LRRC19: variants seen among roughly 807,000 people sequenced by gnomAD.
LRRC19 encodes leucine-rich repeat-containing protein 19.
A neutral mutation model predicts 33.3 loss-of-function variants in LRRC19; 33 were observed. The observed-to-expected ratio is 0.99, with a 90% CI of 0.75 to 1.33. The LOEUF (loss-of-function observed/expected upper bound fraction) is 1.33, where lower values mean the gene tolerates loss of function less well. Ranked by LOEUF, LRRC19 falls within the 40% of genes most tolerant of loss-of-function variation. The probability of loss-of-function intolerance (pLI) is 0.00; values close to 1 mark genes in which losing one functional copy is unlikely to be tolerated. For missense variants in LRRC19, 463 were observed against 417.3 expected, an observed-to-expected ratio of 1.11 and a Z score of -0.95; for synonymous variants, 184 against 152.3, an observed-to-expected ratio of 1.21 and a Z score of -1.53.
rs1828163656 is a variant in LRRC19, at chr9:26,996,470, GGTA to G, written c.622_624del (p.Tyr208del). ...ATATTGTAGCTCTGCAGGCTGTTGG[GGTA>G]GCTACACATGGTGATGTTCTCATTT... On this transcript the variant is annotated inframe_deletion, in exon 4 of 5. Transcript: ENST00000380055. The G allele has an allele frequency of 6.6e-7, 1 of 1,520,444 alleles. No homozygotes were observed. The highest frequency in any genetic ancestry group is 2.4e-5 in the East Asian group (1 of 42,434). 94.2% of individuals were successfully genotyped at this position (1,520,444 alleles called of 1,614,324 possible). A position where few individuals can be genotyped will look rare whatever the true frequency, so the allele number is the denominator to read the frequency against.
intron 1 of LRRC19, among the ~76,000 whole-genome samples, chr9:27,004,963 T>A (rs1828694514): frequency 6.6e-6 from 1 of 152,200 alleles, no homozygotes; most frequent in Non-Finnish European, 1.5e-5. Flanking sequence ...ATATGATTAT[T>A]ATATGCTATG....
intron 1 of LRRC19, among the ~76,000 whole-genome samples, chr9:27,002,406 C>G (rs1828546544): frequency 6.6e-6 from 1 of 152,210 alleles, no homozygotes; most frequent in Admixed American, 6.5e-5. Context: ...CCAGTGTTTT[C>G]TTGAAACAGT....
In LRRC19 at chr9:26,997,923, C is replaced by T. The variant is rs1484221188; in HGVS notation, c.400G>A (p.Glu134Lys). Reference sequence around the variant, plus strand: ...ACAAATACATCAGCATTCAGTTGTTCTATTTTGTTTTGGCAGAGATATAAC... The same window carrying T: ...ACAAATACATCAGCATTCAGTTGTTTTATTTTGTTTTGGCAGAGATATAAC... The part of the protein sequence containing the change: ...KQLYLCQNKI[E>K]QLNADVFVPL... Residue 134 changes from glutamate to lysine, a missense_variant, in exon 3 of 5, where the codon GAA becomes AAA. Glu to Lys is a moderately conservative substitution (Grantham distance 56). Transcript: ENST00000380055. 3.1e-6 allele frequency: 5 copies of T among 1,613,802 alleles called. No individual in the cohort carries two copies. The highest frequency in any genetic ancestry group is 4.2e-6 in the Non-Finnish European group (5 of 1,179,968).
chr9:26,998,008 A>G lies in LRRC19; in HGVS notation c.315T>C (p.Cys105=). The G allele has an allele frequency of 6.2e-7, 1 of 1,613,928 alleles. No individual in the cohort carries two copies. The highest frequency in any genetic ancestry group is 1.7e-5 in the Admixed American group (1 of 60,018). Residue 105 remains cysteine (C), a synonymous_variant, in exon 3 of 5, where the codon TGT becomes TGC. Transcript: ENST00000380055. ...NLSSLEILNI[C]RNSIYVIQQG... Reference sequence around the variant, plus strand: ...GTTGAATTACATAGATGGAGTTTCTACAGATATTTAAAATTTCTAGACTGG... The same window carrying G: ...GTTGAATTACATAGATGGAGTTTCTGCAGATATTTAAAATTTCTAGACTGG...
Position 26,997,979 on chromosome 9 carries a change from C to G in LRRC19, c.344G>C (p.Gly115Ala). 1 of 1,613,840 alleles carries G rather than the reference C, an allele frequency of 6.2e-7. No homozygotes were observed. The highest frequency in any genetic ancestry group is 8.5e-7 in the Non-Finnish European group (1 of 1,179,962). ...TAGTTTATTTAAGCCTAAAAATGCA[C>G]CCTGTTGAATTACATAGATGGAGTT... is the stretch of plus-strand genomic sequence containing the variant. ...CRNSIYVIQQ[G>A]AFLGLNKLKQ... The change falls in exon 3 of 5, where the codon GGT becomes GCT. Residue 115 changes from glycine (G) to alanine (A), a missense_variant. By Grantham distance (60) the Gly-to-Ala change is moderately conservative. Transcript: ENST00000380055.
intron 3 of LRRC19, among the ~76,000 whole-genome samples, chr9:26,997,022 C>A (rs1226747282): frequency 6.6e-6 from 1 of 151,920 alleles, no homozygotes; most frequent in Non-Finnish European, 1.5e-5. Context: ...ACCAGCCTGA[C>A]AAACATGGAG....
rs774934348 is a variant in LRRC19, at chr9:26,998,101, TA to T, written c.221del (p.Leu74TyrfsTer7). On this transcript the variant is annotated frameshift_variant, in exon 3 of 5. Transcript: ENST00000380055. LOFTEE classifies it high-confidence loss of function. ...TDTRVLQTYF[L>X]LTELYLIENK... ...TCTCAATCAAATAGAGCTCTGTGAG[TA>T]AAAAGTATGTCTGTAGAACTCTTGT... is the stretch of plus-strand genomic sequence containing the variant. 1.2e-5 allele frequency: 20 copies of T among 1,613,314 alleles called. No homozygotes were observed. In the African/African-American group the frequency reaches 2.5e-4, roughly 20 times the overall value.
At chr9:27,005,389 G>T (rs1828723299) in intron 1 of LRRC19, among the ~76,000 whole-genome samples, 1 of 110,290 alleles carries the variant, frequency 9.1e-6, no homozygotes, top group Non-Finnish European at 1.7e-5. Flanking sequence ...ACTTAGTATT[G>T]TATTCTAACT....
intron 1 of LRRC19, among the ~76,000 whole-genome samples, chr9:27,004,496 T>TC (rs1354207569): frequency 6.6e-6 from 1 of 152,230 alleles, no homozygotes; most frequent in African/African-American, 2.4e-5. Context: ...ATGTCGATTA[T>TC]CATGACACTG....
rs369739393 is a variant in LRRC19 at position 26,995,701 on chromosome 9, A to C, written c.933T>G (p.His311Gln). 6.2e-7 allele frequency: 1 copy of C among 1,613,882 alleles called. No individual in the cohort carries two copies. Among genetic ancestry groups the C allele is most frequent in the African/African-American group, 1.3e-5 (1 of 75,044 alleles). Residue 311 changes from histidine (H) to glutamine (Q), a missense_variant, in exon 5 of 5, where the codon CAT (histidine) becomes CAG (glutamine). Physicochemically the swap from His to Gln is conservative, Grantham distance 24. Transcript: ENST00000380055. ...LSYNHHRLEE[H>Q]EAETYEDGFT... ...AACCATCTTCATAGGTTTCTGCTTC[A>C]TGCTCTTCCAGGCGATGATGATTAT...
At chr9:26,997,297 C>G (rs1828209650) in intron 3 of LRRC19, among the ~76,000 whole-genome samples, 2 of 150,456 alleles carry the variant, frequency 1.3e-5, no homozygotes, top group African/African-American at 4.9e-5. Context: ...AGTGTTTCTT[C>G]CTGTTTTGCT....
At chr9:27,001,735 G>A (rs765822267) in intron 1 of LRRC19, among the ~76,000 whole-genome samples, 2 of 152,108 alleles carry the variant, frequency 1.3e-5, no homozygotes, top group East Asian at 1.9e-4. Context: ...TTTTAGATGG[G>A]TAGTTTGCAA....
chr9:26,995,515 A>C lies in LRRC19; in HGVS notation c.*6T>G. 1 of 1,506,014 alleles carries C rather than the reference A, an allele frequency of 6.6e-7. No individual in the cohort carries two copies. Among genetic ancestry groups the C allele is most frequent in the Non-Finnish European group, 9.0e-7 (1 of 1,114,742 alleles). 93.3% of individuals were successfully genotyped at this position (1,506,014 alleles called of 1,614,324 possible). ...CTTTGCTTTAAAAAGCAAACTTTGA[A>C]AGAAATTAATTTTCTTCACATAATT... On this transcript the variant is annotated 3_prime_UTR_variant, in exon 5 of 5. Transcript: ENST00000380055.
At chr9:27,002,909 C>G (rs901467738) in intron 1 of LRRC19, among the ~76,000 whole-genome samples, 1 of 152,126 alleles carries the variant, frequency 6.6e-6, no homozygotes, top group Non-Finnish European at 1.5e-5. Context: ...TGTTCTTCCA[C>G]TCCATGAACA....
At position 26,995,447 on chromosome 9, in the gene LRRC19, T is replaced by C; in HGVS notation, c.*74A>G. 1 of 827,700 alleles carries C rather than the reference T, an allele frequency of 1.2e-6. No homozygotes were observed. The highest frequency in any genetic ancestry group is 1.7e-5 in the African/African-American group (1 of 57,854). The allele number at this position is 827,700 out of a possible 1,614,324, so 51.3% of individuals were successfully genotyped here. On this transcript the variant is annotated 3_prime_UTR_variant, in exon 5 of 5. Coordinates refer to ENST00000380055, the MANE Select transcript of LRRC19 (RefSeq NM_022901.3). The stretch of plus-strand genomic sequence containing the variant: ...TGCCTGCCAGCTGTATTTTGTTATG[T>C]CACATAGCAAAATCTCCATATCTAA...
In LRRC19 at chr9:26,997,922, T is replaced by C; in HGVS notation, c.401A>G (p.Glu134Gly). 3 of 1,614,062 alleles carry C rather than the reference T, an allele frequency of 1.9e-6. No individual in the cohort carries two copies. The highest frequency in any genetic ancestry group is 2.5e-6 in the Non-Finnish European group (3 of 1,180,000). Residue 134 changes from glutamate to glycine, a missense_variant, in exon 3 of 5, where the codon GAA becomes GGA. By Grantham distance (98) the Glu-to-Gly change is moderately conservative (BLOSUM62 -2). Coordinates refer to ENST00000380055, the MANE Select transcript of LRRC19 (RefSeq NM_022901.3). ...KQLYLCQNKI[E>G]QLNADVFVPL... ...CACAAATACATCAGCATTCAGTTGTTCTATTTTGTTTTGGCAGAGATATAA... is the reference window on the plus strand; with the variant it reads ...CACAAATACATCAGCATTCAGTTGTCCTATTTTGTTTTGGCAGAGATATAA...
chr9:27,000,136 C>A (rs1828400009), intron 1 of LRRC19, among the ~76,000 whole-genome samples: 1 of 152,148 alleles, frequency 6.6e-6, no homozygotes, highest in Non-Finnish European at 1.5e-5. Flanking sequence ...CATGGCCATT[C>A]ACCATCCTTG....
intron 1 of LRRC19, among the ~76,000 whole-genome samples, chr9:27,002,008 C>T (rs1164660436): frequency 4.0e-5 from 6 of 151,542 alleles, no homozygotes; most frequent in African/African-American, 1.2e-4. Context: ...ACAGGATGCA[C>T]GTCTGGGGGG....
chr9:27,001,102 C>A (rs1005967959), intron 1 of LRRC19, among the ~76,000 whole-genome samples: 1 of 152,038 alleles, frequency 6.6e-6, no homozygotes, highest in Non-Finnish European at 1.5e-5. Flanking sequence ...TAATGACCTC[C>A]GGTTCCGTTT....
Sources: gnomAD v4.1 joint callset for allele counts (sites outside exome capture counted in the v4.1 genomes callset) on GRCh38, gnomAD v4.1.1 for gene constraint, MANE v1.5 for transcripts, NCBI Gene and HGNC (gene_info 2026-07-23, HGNC 2026-07-21) for gene names.